Variants in TASP1 observed in about 807,000 individuals in gnomAD.
TASP1 encodes threonine aspartase 1.
Under a neutral mutation model 56.6 loss-of-function variants are expected in TASP1, and 16 were observed. That is an observed-to-expected ratio of 0.28 (90% confidence interval 0.19 to 0.43). TASP1 has a LOEUF of 0.43. TASP1 is among the 20% of genes least tolerant of loss of function. The pLI, the probability that TASP1 is intolerant of heterozygous loss-of-function variation, is 1.00. For synonymous variants in TASP1, 179 were observed against 184.2 expected (o/e 0.97, Z 0.23); for missense variants, 393 against 511.6 (o/e 0.77, Z 2.24).
chr20:13,343,756 G>A, the TASP1 span, among the ~76,000 whole-genome samples: 5 of 152,128 alleles, frequency 3.3e-5, no homozygotes, highest in East Asian at 1.9e-4. Flanking sequence ...ATTCCCATTC[G>A]CCAAGCATTG....
In TASP1 at chr20:13,570,852, C is replaced by T. The variant is rs556487853; in HGVS notation, c.489-1266G>A. On this transcript the variant is annotated intron_variant, in intron 6 of 13. Transcript: ENST00000337743. ...AGCTTGGACGCAAATTTGAACTGTC[C>T]TGATGGCATTTTTAGCATTTCCTTC... is the stretch of plus-strand genomic sequence containing the variant. Among the ~76,000 whole-genome samples the T allele has an allele frequency of 5.3e-5, 8 of 152,074 alleles. No individual in the cohort carries two copies. In the South Asian group the frequency reaches 1.7e-3, roughly 32 times the overall value.
chr20:13,249,779 C>T, the TASP1 span, among the ~76,000 whole-genome samples: 7 of 141,692 alleles, frequency 4.9e-5, no homozygotes, highest in Admixed American at 1.4e-4. Context: ...TTTTTTGTTG[C>T]GTTTTGTTTT....
intron 9 of TASP1, 103 bp from the exon 10 acceptor site, chr20:13,528,614 ATG>A: frequency 1.0e-6 from 1 of 964,008 alleles, no homozygotes; most frequent in East Asian, 2.7e-5. Flanking sequence ...TTTAATAATG[ATG>A]TAAAACAACT....
chr20:13,505,049 G>C (rs1419887431), intron 10 of TASP1, among the ~76,000 whole-genome samples: 1 of 151,844 alleles, frequency 6.6e-6, no homozygotes, highest in African/African-American at 2.4e-5. Flanking sequence ...AAAGCTTTAA[G>C]GATACACATA....
At chr20:13,249,649 G>C in the TASP1 span, among the ~76,000 whole-genome samples, 1 of 152,216 alleles carries the variant, frequency 6.6e-6, no homozygotes, top group Non-Finnish European at 1.5e-5. Context: ...GTGGAATGCT[G>C]CTGAATTGGC....
chr20:13,366,079 G>C, the TASP1 span, among the ~76,000 whole-genome samples: 2 of 152,174 alleles, frequency 1.3e-5, no homozygotes, highest in African/African-American at 4.8e-5. Flanking sequence ...ATGAATTCTG[G>C]GGAGAGAACA....
chr20:13,631,194 A>G (rs2049074787), intron 1 of TASP1, among the ~76,000 whole-genome samples: 1 of 152,158 alleles, frequency 6.6e-6, no homozygotes, highest in Admixed American at 6.5e-5. Context: ...TTTTTATTAT[A>G]TAACATTTTA....
chr20:13,402,426 C>A (rs1337496315), intron 13 of TASP1, among the ~76,000 whole-genome samples: 1 of 152,188 alleles, frequency 6.6e-6, no homozygotes, highest in African/African-American at 2.4e-5. Flanking sequence ...AAAAGAAACA[C>A]AAGTTTCTAC....
the TASP1 span, among the ~76,000 whole-genome samples, chr20:13,194,188 A>G: frequency 6.6e-6 from 1 of 152,226 alleles, no homozygotes; most frequent in Admixed American, 6.5e-5. Flanking sequence ...TTATCTAGGT[A>G]AGCCATAAAT....
At chr20:13,448,122 C>T (rs2043479649) in intron 11 of TASP1, among the ~76,000 whole-genome samples, 1 of 152,098 alleles carries the variant, frequency 6.6e-6, no homozygotes, top group East Asian at 1.9e-4. Context: ...AATTTTAGAA[C>T]TTCAGTTCTT....
At chr20:13,321,247 C>A in the TASP1 span, among the ~76,000 whole-genome samples, 1 of 77,116 alleles carries the variant, frequency 1.3e-5, no homozygotes, top group Non-Finnish European at 2.5e-5. Context: ...AGTCATGTGC[C>A]CCACATAAAA....
the TASP1 span, among the ~76,000 whole-genome samples, chr20:13,203,807 C>G: frequency 6.6e-6 from 1 of 152,188 alleles, no homozygotes; most frequent in African/African-American, 2.4e-5. Context: ...TTTGTACTGT[C>G]AAATCATCTT....
the TASP1 span, chr20:13,164,953 C>T: frequency 8.5e-7 from 1 of 1,175,720 alleles, no homozygotes; most frequent in Non-Finnish European, 1.2e-6. Context: ...GATTTCTCCC[C>T]CTTCCTCAGG....
chr20:13,474,274 C>T (rs2044635720), intron 11 of TASP1, among the ~76,000 whole-genome samples: 1 of 152,086 alleles, frequency 6.6e-6, no homozygotes, highest in Non-Finnish European at 1.5e-5. Context: ...AGTCTTTTAT[C>T]CCTCACTCCC....
chr20:13,275,107 G>T, the TASP1 span, among the ~76,000 whole-genome samples: 1 of 152,126 alleles, frequency 6.6e-6, no homozygotes, highest in African/African-American at 2.4e-5. Context: ...TACTACACTA[G>T]CTATTCACAA....
the TASP1 span, among the ~76,000 whole-genome samples, chr20:13,194,547 G>A: frequency 5.7e-4 from 1 of 1,766 alleles, no homozygotes; most frequent in East Asian, 3.6e-3. Context: ...CAAGAAATGT[G>A]TGTGTGTGTG....
At chr20:13,569,420 C>A in intron 7 of TASP1, 87 bp downstream of exon 7, 2 of 943,662 alleles carry the variant, frequency 2.1e-6, no homozygotes, top group Non-Finnish European at 1.6e-6. Context: ...CCATAAATAT[C>A]TGTACTACAT....
At chr20:13,515,076 A>T (rs1255971603) in intron 10 of TASP1, among the ~76,000 whole-genome samples, 2 of 152,164 alleles carry the variant, frequency 1.3e-5, no homozygotes, top group Non-Finnish European at 2.9e-5. Context: ...CTCTATCAGC[A>T]TCTTTTCAAG....
At chr20:13,601,996 C>G (rs1249924282) in intron 4 of TASP1, among the ~76,000 whole-genome samples, 1 of 150,954 alleles carries the variant, frequency 6.6e-6, no homozygotes, top group Non-Finnish European at 1.5e-5. Context: ...CCTGCCTCAG[C>G]CTCCCGAGTA....
Sources: gnomAD v4.1 joint callset for allele counts (sites outside exome capture counted in the v4.1 genomes callset) on GRCh38, gnomAD v4.1.1 for gene constraint, MANE v1.5 for transcripts, NCBI Gene and HGNC (gene_info 2026-07-23, HGNC 2026-07-21) for gene names.